ABHD18: variants seen among roughly 807,000 people sequenced by gnomAD.
The protein encoded by ABHD18 is abhydrolase domain containing 18, also known as cardiolipin-specific deacylase, mitochondrial.
A neutral mutation model predicts 65.9 loss-of-function variants in ABHD18; 55 were observed. That is an observed-to-expected ratio of 0.84 (90% confidence interval 0.67 to 1.05). The LOEUF is 1.05. Among genes scored for constraint, ABHD18 ranks in the 50% least tolerant of loss-of-function variants. The probability of loss-of-function intolerance (pLI) is 0.00; values close to 1 mark genes in which losing one functional copy is unlikely to be tolerated. For missense variants in ABHD18, 533 were observed against 558.5 expected (o/e 0.95, Z 0.46); for synonymous variants, 181 against 180.2 (o/e 1.00, Z -0.04).
chr4:128,006,811 G>A (rs1350705856), intron 4 of ABHD18, among the ~76,000 whole-genome samples: 1 of 152,202 alleles, frequency 6.6e-6, no homozygotes, highest in Non-Finnish European at 1.5e-5. Context: ...ACGGACACGT[G>A]TGGTGACTCA....
At chr4:128,008,288 T>C (rs1224049469) in intron 4 of ABHD18, among the ~76,000 whole-genome samples, 1 of 142,750 alleles carries the variant, frequency 7.0e-6, no homozygotes, top group Non-Finnish European at 1.5e-5. Context: ...TTTTTTTTTT[T>C]TGAGACGGAG....
chr4:128,032,483 G>A (rs778346043), intron 12 of ABHD18, among the ~76,000 whole-genome samples: 8 of 151,858 alleles, frequency 5.3e-5, no homozygotes, highest in Admixed American at 1.3e-4. Flanking sequence ...TCAGGAGTTC[G>A]AGCCCAGCCT....
chr4:127,994,683 G>C (rs935124778), intron 4 of ABHD18, among the ~76,000 whole-genome samples: 2 of 152,064 alleles, frequency 1.3e-5, no homozygotes, highest in Non-Finnish European at 2.9e-5. Context: ...TATTACCCAA[G>C]ATTGAATTCT....
chr4:127,995,367 A>C (rs1751570143), intron 4 of ABHD18, among the ~76,000 whole-genome samples: 1 of 152,240 alleles, frequency 6.6e-6, no homozygotes, highest in Non-Finnish European at 1.5e-5. Flanking sequence ...AAATTGAACC[A>C]AAGAAATAAG....
rs1407530218 is a variant in ABHD18, at chr4:128,036,045, A to G, written c.*232A>G. 3 of 350,186 alleles carry G rather than the reference A, an allele frequency of 8.6e-6. No homozygotes were observed. The highest frequency in any genetic ancestry group is 1.5e-5 in the Non-Finnish European group (3 of 196,516). The allele number at this position is 350,186 out of a possible 1,614,324, so 21.7% of individuals were successfully genotyped here. ...AAGTGTTTTTACTATTGTTTATTGG[A>G]ATCCCATATATTCAGTGTTTAGTCT... is the stretch of plus-strand genomic sequence containing the variant. On this transcript the variant is annotated 3_prime_UTR_variant, in exon 13 of 13. Transcript: ENST00000645843.
At chr4:128,031,477 A>T (rs944546236) in intron 12 of ABHD18, among the ~76,000 whole-genome samples, 5 of 152,238 alleles carry the variant, frequency 3.3e-5, no homozygotes, top group African/African-American at 1.2e-4. Flanking sequence ...CAAAAAAAAA[A>T]ATTTTTTTAT....
chr4:128,015,076 TAA>T (rs35551300), intron 7 of ABHD18, among the ~76,000 whole-genome samples: 89 of 122,828 alleles, frequency 7.2e-4, no homozygotes, highest in South Asian at 4.2e-3. Flanking sequence ...AAACTCCATC[TAA>T]AAAAAAAAAA....
intron 2 of ABHD18, 107 bp from the exon 3 acceptor site, chr4:127,984,232 C>A: frequency 1.7e-6 from 1 of 584,418 alleles, no homozygotes; most frequent in Non-Finnish European, 3.0e-6. Context: ...GGCTTATGAA[C>A]TGGATTTGCT....
chr4:128,034,205 CCTT>C (rs1377877597), intron 12 of ABHD18, among the ~76,000 whole-genome samples: 4 of 151,412 alleles, frequency 2.6e-5, no homozygotes, highest in African/African-American at 9.7e-5. Context: ...GATCCGCCCT[CCTT>C]GGCCTTCCAA....
At chr4:127,988,853 G>A (rs997543736) in intron 3 of ABHD18, among the ~76,000 whole-genome samples, 4 of 152,136 alleles carry the variant, frequency 2.6e-5, no homozygotes, top group South Asian at 4.1e-4. Flanking sequence ...CGACCACTGC[G>A]GAGAACAGTA....
chr4:127,973,413 T>C (rs145310320), intron 1 of ABHD18, among the ~76,000 whole-genome samples: 2,208 of 152,138 alleles, frequency 0.015, 25 homozygotes, highest in Non-Finnish European at 0.022. Flanking sequence ...TAGGAAAATG[T>C]GAAGAAAGTA....
intron 12 of ABHD18, chr4:128,030,957 G>A (rs1579478923): frequency 9.2e-7 from 1 of 1,091,182 alleles, no homozygotes; most frequent in Non-Finnish European, 1.1e-6. Context: ...GATGTGAGAA[G>A]GAAGATCATG....
At chr4:127,984,296 TA>T in intron 2 of ABHD18, 42 bp from the exon 3 acceptor site, 1 of 1,248,036 alleles carries the variant, frequency 8.0e-7, no homozygotes, top group Non-Finnish European at 1.1e-6. Context: ...GTAGGTGATA[TA>T]AAAGATTAAT....
intron 1 of ABHD18, among the ~76,000 whole-genome samples, chr4:127,970,810 C>T (rs1475526231): frequency 1.3e-5 from 2 of 151,752 alleles, no homozygotes; most frequent in African/African-American, 4.8e-5. Context: ...CATGGTGACT[C>T]ACGCCTGTAA....
chr4:128,007,465 G>A, intron 4 of ABHD18, among the ~76,000 whole-genome samples: 1 of 151,950 alleles, frequency 6.6e-6, no homozygotes, highest in Non-Finnish European at 1.5e-5. Context: ...ACAAAGGCCA[G>A]GTGCAATGAC....
At position 128,013,563 on chromosome 4, in the gene ABHD18, T is replaced by C. The variant is rs28497675; in HGVS notation, c.470+1863T>C. On this transcript the variant is annotated intron_variant, in intron 7 of 12. Transcript: ENST00000645843. ...AAGATACAACAAAATCCGGGCGTGGTGGTGGGCACCTGTAGTCCCAGCTAC... is the reference window on the plus strand; with the variant it reads ...AAGATACAACAAAATCCGGGCGTGGCGGTGGGCACCTGTAGTCCCAGCTAC... Among the ~76,000 whole-genome samples the C allele has an allele frequency of 4.3e-3, 657 of 152,140 alleles. 6 individuals are homozygous for C. Among genetic ancestry groups the C allele is most frequent in the African/African-American group, 0.015 (635 of 41,510 alleles).
chr4:128,021,314 G>T (rs1007004423), intron 10 of ABHD18, 76 bp downstream of exon 10: 37 of 892,810 alleles, frequency 4.1e-5, no homozygotes, highest in Admixed American at 1.3e-4. Context: ...GGTTTTTAAA[G>T]AGAATAGCAA....
At chr4:128,019,534 C>A (rs935173791) in intron 8 of ABHD18, among the ~76,000 whole-genome samples, 8 of 152,218 alleles carry the variant, frequency 5.3e-5, no homozygotes, top group African/African-American at 1.9e-4. Context: ...CCTTTCCCTT[C>A]TGATTCCTCC....
At chr4:127,998,762 T>A (rs959808048) in intron 4 of ABHD18, among the ~76,000 whole-genome samples, 1 of 152,134 alleles carries the variant, frequency 6.6e-6, no homozygotes, top group Non-Finnish European at 1.5e-5. Flanking sequence ...GGCAAAGAAC[T>A]AAATAAGATA....
Sources: gnomAD v4.1 joint callset for allele counts (sites outside exome capture counted in the v4.1 genomes callset) on GRCh38, gnomAD v4.1.1 for gene constraint, MANE v1.5 for transcripts, NCBI Gene and HGNC (gene_info 2026-07-23, HGNC 2026-07-21) for gene names.